ADCY1: variants seen among roughly 807,000 people sequenced by gnomAD.
The protein encoded by ADCY1 is adenylate cyclase type 1.
ADCY1 carries 28 observed loss-of-function variants against 105.4 expected under a neutral mutation model. That is an observed-to-expected ratio of 0.27 (90% CI 0.20 to 0.36). ADCY1 has a LOEUF of 0.36. ADCY1 is among the 10% of genes least tolerant of loss of function. The pLI, the probability that ADCY1 is intolerant of heterozygous loss-of-function variation, is 1.00. For missense variants in ADCY1, 977 were observed against 1,434.2 expected (o/e 0.68, Z 5.15); for synonymous variants, 655 against 623.8 (o/e 1.05, Z -0.75).
chr7:45,592,408 AC>A (rs998543868), intron 1 of ADCY1, among the ~76,000 whole-genome samples: 1 of 151,942 alleles, frequency 6.6e-6, no homozygotes, highest in African/African-American at 2.4e-5. Flanking sequence ...ATTAGTGCCC[AC>A]CCCGATGGCC....
chr7:45,622,141 G>A (rs1793916427), intron 3 of ADCY1, among the ~76,000 whole-genome samples: 1 of 152,126 alleles, frequency 6.6e-6, no homozygotes, highest in East Asian at 1.9e-4. Context: ...GGAATTCGGG[G>A]ACTCCCTCCC....
chr7:45,611,660 C>A, intron 3 of ADCY1, among the ~76,000 whole-genome samples: 1 of 147,116 alleles, frequency 6.8e-6, no homozygotes. Context: ...TTTAAAGATT[C>A]TGTTTAAAAG....
chr7:45,574,515 C>T lies in ADCY1; in HGVS notation c.-29C>T, dbSNP rs1328819075. The T allele has an allele frequency of 5.1e-6, 5 of 974,492 alleles. No homozygotes were observed. The highest frequency in any genetic ancestry group is 6.4e-5 in the Admixed American group (1 of 15,592). The allele number at this position is 974,492 out of a possible 1,614,324, so 60.4% of individuals were successfully genotyped here. A position where few individuals can be genotyped will look rare whatever the true frequency, so the allele number is the denominator to read the frequency against. On this transcript the variant is annotated 5_prime_UTR_variant, in exon 1 of 20. Transcript: ENST00000297323. The surrounding 1 kb of genome is among the most constrained non-coding windows in gnomAD (Gnocchi z 7.0). ...GCCCCGGGCCGGCGAGGGGCGCGCCCGCGGCCGCGGCCGCTGCATGGCGCT... is the reference window on the plus strand; with the variant it reads ...GCCCCGGGCCGGCGAGGGGCGCGCCTGCGGCCGCGGCCGCTGCATGGCGCT...
intron 17 of ADCY1, 36 bp downstream of exon 17, chr7:45,704,652 G>T: frequency 5.8e-6 from 9 of 1,564,216 alleles, no homozygotes; most frequent in Non-Finnish European, 7.0e-6. Flanking sequence ...TTGGGGACTG[G>T]GTCCAAGCTC....
intron 5 of ADCY1, among the ~76,000 whole-genome samples, chr7:45,656,044 T>C (rs1423967622): frequency 1.3e-5 from 2 of 152,010 alleles, no homozygotes; most frequent in Non-Finnish European, 2.9e-5. Context: ...TCCCAGCACT[T>C]TGGGAGGCCA....
intron 8 of ADCY1, among the ~76,000 whole-genome samples, chr7:45,671,825 A>G (rs780116856): frequency 6.6e-6 from 1 of 152,118 alleles, no homozygotes; most frequent in Non-Finnish European, 1.5e-5. Flanking sequence ...GGTATATTCT[A>G]GAAACGATTC....
intron 3 of ADCY1, among the ~76,000 whole-genome samples, chr7:45,616,362 C>CA (rs888574612): frequency 1.2e-4 from 18 of 152,008 alleles, no homozygotes; most frequent in Admixed American, 9.2e-4. Flanking sequence ...AAGAACACTA[C>CA]AAAAAAAGAA....
intron 16 of ADCY1, 124 bp from the exon 17 acceptor site, chr7:45,704,394 A>G: frequency 1.3e-6 from 1 of 776,030 alleles, no homozygotes; most frequent in Non-Finnish European, 2.1e-6. Context: ...TGCCCAAAGC[A>G]AAGAAGACAT....
At chr7:45,602,665 T>C (rs1479617216) in intron 2 of ADCY1, among the ~76,000 whole-genome samples, 2 of 152,208 alleles carry the variant, frequency 1.3e-5, no homozygotes, top group Non-Finnish European at 2.9e-5. Flanking sequence ...CTCAAACAAC[T>C]ACCGTTGTGA....
intron 1 of ADCY1, among the ~76,000 whole-genome samples, chr7:45,578,085 T>C (rs1380726609): frequency 6.6e-6 from 1 of 152,212 alleles, no homozygotes; most frequent in African/African-American, 2.4e-5. Flanking sequence ...CTGGGTGCTT[T>C]GGGGCATCTG....
At chr7:45,678,343 C>T (rs935893935) in intron 10 of ADCY1, 80 bp downstream of exon 10, 15 of 1,386,060 alleles carry the variant, frequency 1.1e-5, no homozygotes, top group East Asian at 6.9e-5. Context: ...TTCTGGGGTT[C>T]GTGGTTGTGT....
At chr7:45,600,929 C>T (rs1793213447) in intron 2 of ADCY1, among the ~76,000 whole-genome samples, 2 of 152,170 alleles carry the variant, frequency 1.3e-5, no homozygotes, top group Admixed American at 1.3e-4. Context: ...CCTAAAGGCC[C>T]TATCTTCAAA....
rs867292044 is a variant in ADCY1 at position 45,609,324 on chromosome 7, C to T, written c.790-1055C>T. ...CCCAGGGCTGTGCCCGGCAGGCTTG[C>T]GTGGCTGGGGATGGAGAGGAGGCGG... On this transcript the variant is annotated intron_variant, in intron 2 of 19. Coordinates refer to ENST00000297323, the MANE Select transcript of ADCY1 (RefSeq NM_021116.4). Among the ~76,000 whole-genome samples, 16 of 152,276 alleles carry T rather than the reference C, an allele frequency of 1.1e-4. No homozygotes were observed. In the Middle Eastern group the frequency reaches 0.01, roughly 97 times the overall value.
chr7:45,611,778 A>G (rs1793599888), intron 3 of ADCY1, among the ~76,000 whole-genome samples: 1 of 152,142 alleles, frequency 6.6e-6, no homozygotes, highest in Admixed American at 6.5e-5. Context: ...GCTTTACATA[A>G]ATATCACTCA....
At position 45,678,896 on chromosome 7, in the gene ADCY1, A is replaced by G. The variant is rs113300789; in HGVS notation, c.1898+633A>G. Among the ~76,000 whole-genome samples, 368 of 151,404 alleles carry G rather than the reference A, an allele frequency of 2.4e-3. 1 individual carries two copies. Among genetic ancestry groups the G allele is most frequent in the African/African-American group, 8.5e-3 (350 of 41,392 alleles). On this transcript the variant is annotated intron_variant, in intron 10 of 19. Transcript: ENST00000297323. ...GTGAGACTTTGTCTCTAAAAATAAT[A>G]ATAATAATAATAACAATAACTTTTG... is the stretch of plus-strand genomic sequence containing the variant.
intron 4 of ADCY1, among the ~76,000 whole-genome samples, chr7:45,645,964 G>T (rs1051813325): frequency 2.7e-5 from 4 of 150,346 alleles, no homozygotes; most frequent in African/African-American, 7.3e-5. Context: ...GGTTGTGAGT[G>T]CTCACGGGGT....
chr7:45,610,530 G>T (rs542476714), intron 3 of ADCY1, 33 bp downstream of exon 3: 3 of 1,579,454 alleles, frequency 1.9e-6, no homozygotes, highest in East Asian at 4.5e-5. Flanking sequence ...ACAGCGGGGA[G>T]CCTGGGAAGC....
Position 45,696,209 on chromosome 7 carries a change from C to T in ADCY1, c.2455-7167C>T, listed in dbSNP as rs552933260. On this transcript the variant is annotated intron_variant, in intron 14 of 19. Coordinates refer to ENST00000297323, the MANE Select transcript of ADCY1 (RefSeq NM_021116.4). ...ATCCCAGCACTTTGGGAGGCCGAGG[C>T]GGGCGGATCATGAGGTCAGGAGATC... Among the ~76,000 whole-genome samples, 126 of 149,674 alleles carry T rather than the reference C, an allele frequency of 8.4e-4. 1 individual carries two copies. The highest frequency in any genetic ancestry group is 2.9e-3 in the African/African-American group (118 of 41,346).
intron 3 of ADCY1, among the ~76,000 whole-genome samples, chr7:45,612,364 G>A (rs1793615295): frequency 6.6e-6 from 1 of 152,176 alleles, no homozygotes; most frequent in South Asian, 2.1e-4. Flanking sequence ...AAAGTGAAAG[G>A]TATGCAGGAC....
Sources: allele counts gnomAD v4.1 joint callset (sites outside exome capture counted in the v4.1 genomes callset), GRCh38; gene constraint gnomAD v4.1.1; non-coding constraint Gnocchi (gnomAD v3.1); transcripts MANE v1.5; gene names NCBI Gene and HGNC (gene_info 2026-07-23, HGNC 2026-07-21).